The following PDE3A variants were observed in gnomAD, a reference collection of about 807,000 sequenced individuals.
The protein encoded by PDE3A is phosphodiesterase 3A.
A neutral mutation model predicts 98.3 loss-of-function variants in PDE3A; 43 were observed. The observed-to-expected ratio is 0.44, with a 90% CI of 0.34 to 0.56. The LOEUF (loss-of-function observed/expected upper bound fraction) is 0.56. Ranked by LOEUF, PDE3A falls within the 20% of genes least tolerant of loss-of-function variation. PDE3A has a pLI of 0.01. For missense variants in PDE3A, 1,427 were observed against 1,440.7 expected (o/e 0.99, Z 0.15); for synonymous variants, 663 against 567.9 (o/e 1.17, Z -2.38).
At chr12:20,401,314 T>C (rs978753886) in intron 1 of PDE3A, among the ~76,000 whole-genome samples, 13 of 152,208 alleles carry the variant, frequency 8.5e-5, no homozygotes, top group Admixed American at 5.9e-4. Flanking sequence ...TTTTGTTGAA[T>C]GTTAATATTT....
chr12:20,416,591 G>A (rs1445452490), intron 1 of PDE3A, among the ~76,000 whole-genome samples: 3 of 152,100 alleles, frequency 2.0e-5, no homozygotes, highest in Admixed American at 6.5e-5. Context: ...TACTTCACAC[G>A]TGCTATATAA....
intron 12 of PDE3A, among the ~76,000 whole-genome samples, chr12:20,647,888 G>A (rs1026397340): frequency 2.6e-5 from 4 of 151,520 alleles, no homozygotes; most frequent in East Asian, 1.9e-4. Flanking sequence ...TATTTTACAC[G>A]TCTACATTTT....
intron 3 of PDE3A, among the ~76,000 whole-genome samples, chr12:20,615,082 C>T (rs1318396889): frequency 1.7e-5 from 2 of 120,610 alleles, no homozygotes; most frequent in Admixed American, 1.2e-4. Flanking sequence ...AGTGCAGTGG[C>T]GTGATTTTCG....
chr12:20,479,327 T>C (rs527947300), intron 1 of PDE3A, among the ~76,000 whole-genome samples: 9 of 152,222 alleles, frequency 5.9e-5, no homozygotes, highest in Non-Finnish European at 1.3e-4. Context: ...ACTGATGGAC[T>C]GCTCTCTTTT....
At chr12:20,497,239 G>A (rs1945936396) in intron 1 of PDE3A, among the ~76,000 whole-genome samples, 1 of 152,024 alleles carries the variant, frequency 6.6e-6, no homozygotes, top group Admixed American at 6.6e-5. Context: ...CTTTATAGTT[G>A]TCAATCCCAG....
rs1301194273 is a variant in PDE3A at position 20,369,341 on chromosome 12, G to A, written c.57G>A (p.Val19=). Residue 19 remains valine, a synonymous_variant, in exon 1 of 16, where the codon GTG becomes GTA. Coordinates refer to ENST00000359062, the MANE Select transcript of PDE3A (RefSeq NM_000921.5). ...GGGACAAGCCCGTCCACAGTGGGGT[G>A]AGTCAAGCCCCCACGGCGGGCCGGG... is the stretch of plus-strand genomic sequence containing the variant. The part of the protein sequence containing the change: ...RVRDKPVHSG[V]SQAPTAGRDC... 91 of 1,548,302 alleles carry A rather than the reference G, an allele frequency of 5.9e-5. No homozygotes were observed. Among genetic ancestry groups the A allele is most frequent in the Non-Finnish European group, 7.7e-5 (88 of 1,146,148 alleles).
At chr12:20,588,447 A>C (rs746821877) in intron 2 of PDE3A, among the ~76,000 whole-genome samples, 1 of 152,190 alleles carries the variant, frequency 6.6e-6, no homozygotes, top group Non-Finnish European at 1.5e-5. Flanking sequence ...TAGGACTATA[A>C]TGTGATCATT....
intron 1 of PDE3A, among the ~76,000 whole-genome samples, chr12:20,493,756 A>G (rs1945869118): frequency 6.6e-6 from 1 of 152,072 alleles, no homozygotes; most frequent in African/African-American, 2.4e-5. Context: ...TCAGCCTACC[A>G]AGTAGCTGGG....
intron 1 of PDE3A, among the ~76,000 whole-genome samples, chr12:20,447,927 T>C (rs774187463): frequency 1.3e-5 from 2 of 152,130 alleles, no homozygotes; most frequent in Non-Finnish European, 2.9e-5. Context: ...TGAATTGAAT[T>C]AGACGATGCT....
intron 2 of PDE3A, among the ~76,000 whole-genome samples, chr12:20,591,112 G>T (rs1305041121): frequency 6.6e-6 from 1 of 152,156 alleles, no homozygotes; most frequent in East Asian, 1.9e-4. Flanking sequence ...GTCCTTTCTG[G>T]CATATTATGC....
chr12:20,392,580 A>T (rs893250941), intron 1 of PDE3A, among the ~76,000 whole-genome samples: 4 of 151,900 alleles, frequency 2.6e-5, no homozygotes, highest in African/African-American at 7.2e-5. Flanking sequence ...ACATTATGGA[A>T]AACAGTATGG....
At chr12:20,546,840 A>G (rs1942073944) in intron 1 of PDE3A, among the ~76,000 whole-genome samples, 1 of 152,110 alleles carries the variant, frequency 6.6e-6, no homozygotes, top group Non-Finnish European at 1.5e-5. Context: ...GAATTAAGTA[A>G]GAGTTTGGGG....
rs1318911366 is a variant in PDE3A at position 20,522,095 on chromosome 12, A to G, written c.961-34565A>G. Among the ~76,000 whole-genome samples the G allele has an allele frequency of 4.6e-5, 7 of 152,118 alleles. No homozygotes were observed. The South Asian group carries it at 6.2e-4, about 14-fold the overall frequency. Reference sequence around the variant, plus strand: ...AGAACAAATCTTCGGGCTGTCCACTAGATTCCCTAGCTTGGGACACACTTT... The same window carrying G: ...AGAACAAATCTTCGGGCTGTCCACTGGATTCCCTAGCTTGGGACACACTTT... On this transcript the variant is annotated intron_variant, in intron 1 of 15. Coordinates refer to ENST00000359062, the MANE Select transcript of PDE3A (RefSeq NM_000921.5).
chr12:20,600,341 C>A (rs1314334222), intron 2 of PDE3A, among the ~76,000 whole-genome samples: 1 of 152,168 alleles, frequency 6.6e-6, no homozygotes, highest in Non-Finnish European at 1.5e-5. Flanking sequence ...TCTTCCCAAA[C>A]CTTCATCCTG....
Position 20,687,833 on chromosome 12 carries a change from A to G in PDE3A, c.*7562A>G, listed in dbSNP as rs529255890. On this transcript the variant is annotated 3_prime_UTR_variant, in exon 16 of 16. Coordinates refer to ENST00000359062, the MANE Select transcript of PDE3A (RefSeq NM_000921.5). ...TTTTAGGTTTTGGTTGGTTTGAATA[A>G]TTTGATTTGCATTTTGGTATTAAAA... Among the ~76,000 whole-genome samples the G allele has an allele frequency of 7.2e-6, 1 of 139,424 alleles. No homozygotes were observed. The highest frequency in any genetic ancestry group is 2.4e-4 in the South Asian group (1 of 4,202). The allele number at this position is 139,424 out of a possible 152,430, so 91.5% of individuals were successfully genotyped here. A position where few individuals can be genotyped will look rare whatever the true frequency, so the allele number is the denominator to read the frequency against.
chr12:20,663,001 G>A (rs559027128), intron 15 of PDE3A, among the ~76,000 whole-genome samples: 10 of 152,324 alleles, frequency 6.6e-5, no homozygotes, highest in East Asian at 5.8e-4. Context: ...GCTGTGTGCA[G>A]CCTAGGGACT....
intron 6 of PDE3A, 71 bp downstream of exon 6, chr12:20,630,198 C>G (rs941447283): frequency 9.1e-7 from 1 of 1,099,080 alleles, no homozygotes; most frequent in African/African-American, 1.5e-5. Flanking sequence ...ATACCTACCA[C>G]CAGCCCACGC....
intron 2 of PDE3A, among the ~76,000 whole-genome samples, chr12:20,563,061 A>G (rs1942567714): frequency 6.6e-6 from 1 of 152,202 alleles, no homozygotes; most frequent in Admixed American, 6.5e-5. Flanking sequence ...ACTAAAAGCA[A>G]CTACCTAGAT....
At chr12:20,649,729 C>A (rs1318880088) in intron 13 of PDE3A, among the ~76,000 whole-genome samples, 2 of 152,064 alleles carry the variant, frequency 1.3e-5, no homozygotes, top group African/African-American at 2.4e-5. Flanking sequence ...AGTTCGAGAC[C>A]AGTCTGGCTA....
Sources: gnomAD v4.1 joint callset for allele counts (sites outside exome capture counted in the v4.1 genomes callset) on GRCh38, gnomAD v4.1.1 for gene constraint, MANE v1.5 for transcripts, NCBI Gene and HGNC (gene_info 2026-07-23, HGNC 2026-07-21) for gene names.